The following ROR2 variants were observed in gnomAD, a reference collection of about 807,000 sequenced individuals.
ROR2 encodes ROR family WNT receptor 2, also known as tyrosine-protein kinase transmembrane receptor ROR2.
A neutral mutation model predicts 74.9 loss-of-function variants in ROR2; 33 were observed. The ratio of observed to expected loss-of-function variants is 0.44; its 90% CI spans 0.33 to 0.59. The LOEUF is 0.59. ROR2 is among the 20% of genes least tolerant of loss of function. The probability of loss-of-function intolerance (pLI) is 0.02; values close to 1 mark genes in which losing one functional copy is unlikely to be tolerated. For synonymous variants in ROR2, 586 were observed against 558.7 expected (o/e 1.05, Z -0.69); for missense variants, 1,216 against 1,313.8 (o/e 0.93, Z 1.15).
At chr9:91,914,011 T>C (rs913286057) in intron 1 of ROR2, among the ~76,000 whole-genome samples, 1 of 152,084 alleles carries the variant, frequency 6.6e-6, no homozygotes. Context: ...CAAAATAAGA[T>C]GGTAAAGTCT....
intron 1 of ROR2, among the ~76,000 whole-genome samples, chr9:91,909,130 C>G (rs1044742878): frequency 1.3e-5 from 2 of 152,202 alleles, no homozygotes; most frequent in African/African-American, 2.4e-5. Flanking sequence ...AAATTGCTTG[C>G]TAATTGCTTC....
intron 1 of ROR2, among the ~76,000 whole-genome samples, chr9:91,941,209 A>G (rs12551564): frequency 0.15 from 22,029 of 150,980 alleles, 2,000 homozygotes; most frequent in Non-Finnish European, 0.2. Context: ...GTGTTAGCCA[A>G]GATGGTCTCG....
At chr9:91,923,029 T>C (rs1564041240) in intron 1 of ROR2, among the ~76,000 whole-genome samples, 1 of 152,020 alleles carries the variant, frequency 6.6e-6, no homozygotes, top group Admixed American at 6.6e-5. Flanking sequence ...TTCACATACA[T>C]AAAGCCTCTC....
chr9:91,904,054 G>T (rs537757022), intron 1 of ROR2, among the ~76,000 whole-genome samples: 10 of 149,558 alleles, frequency 6.7e-5, no homozygotes, highest in East Asian at 1.9e-4. Flanking sequence ...TTTTTTTTGG[G>T]GGGGGGGACA....
At chr9:91,806,811 G>T (rs540674342) in intron 1 of ROR2, among the ~76,000 whole-genome samples, 2 of 152,106 alleles carry the variant, frequency 1.3e-5, no homozygotes, top group South Asian at 4.2e-4. Context: ...GGATGGTCTC[G>T]ATCTCCTGAC....
intron 4 of ROR2, among the ~76,000 whole-genome samples, chr9:91,753,757 G>C (rs1020770070): frequency 6.6e-6 from 1 of 152,182 alleles, no homozygotes; most frequent in Non-Finnish European, 1.5e-5. Context: ...GAGATGGAAA[G>C]ATTTCTGTGA....
intron 7 of ROR2, among the ~76,000 whole-genome samples, chr9:91,728,278 G>C (rs1003067506): frequency 1.3e-5 from 2 of 152,068 alleles, no homozygotes; most frequent in African/African-American, 4.8e-5. Flanking sequence ...GTTAAGTTTC[G>C]TGTTCTCCTA....
intron 1 of ROR2, among the ~76,000 whole-genome samples, chr9:91,920,584 A>T (rs920794556): frequency 6.6e-6 from 1 of 152,228 alleles, no homozygotes; most frequent in Non-Finnish European, 1.5e-5. Flanking sequence ...AACAGAGATC[A>T]GGTGAGGAAG....
At chr9:91,856,222 G>A (rs1458317914) in intron 1 of ROR2, among the ~76,000 whole-genome samples, 2 of 152,146 alleles carry the variant, frequency 1.3e-5, no homozygotes, top group Non-Finnish European at 2.9e-5. Context: ...CAGGCATGGT[G>A]GTGTGTGCCT....
At chr9:91,901,688 C>G (rs1830680465) in intron 1 of ROR2, among the ~76,000 whole-genome samples, 1 of 151,808 alleles carries the variant, frequency 6.6e-6, no homozygotes, top group Non-Finnish European at 1.5e-5. Flanking sequence ...TGGTGGCATG[C>G]GCTTGTAATC....
At chr9:91,746,058 G>GT (rs1168264758) in intron 4 of ROR2, among the ~76,000 whole-genome samples, 1 of 151,900 alleles carries the variant, frequency 6.6e-6, no homozygotes, top group African/African-American at 2.4e-5. Flanking sequence ...AGGTGGCTTG[G>GT]TTTTTTTGTT....
intron 1 of ROR2, among the ~76,000 whole-genome samples, chr9:91,934,114 G>T (rs547646055): frequency 6.6e-6 from 1 of 152,050 alleles, no homozygotes; most frequent in Admixed American, 6.5e-5. Flanking sequence ...GATGCGGGGG[G>T]GCGAGTGAAA....
At chr9:91,926,248 T>C (rs1460031403) in intron 1 of ROR2, among the ~76,000 whole-genome samples, 1 of 150,456 alleles carries the variant, frequency 6.6e-6, no homozygotes, top group Non-Finnish European at 1.5e-5. Flanking sequence ...GCAGGGCATG[T>C]GGCGGGCGCC....
intron 1 of ROR2, among the ~76,000 whole-genome samples, chr9:91,862,882 A>C (rs562082563): frequency 6.6e-6 from 1 of 152,370 alleles, no homozygotes; most frequent in Admixed American, 6.5e-5. Flanking sequence ...ACTAAATAGT[A>C]AAAAAGGCAA....
chr9:91,807,964 G>A (rs1319620291), intron 1 of ROR2, among the ~76,000 whole-genome samples: 1 of 152,104 alleles, frequency 6.6e-6, no homozygotes, highest in East Asian at 1.9e-4. Flanking sequence ...TGCTCACCCA[G>A]GGCTAGCTCG....
chr9:91,744,564 G>T (rs1587678049), intron 4 of ROR2, among the ~76,000 whole-genome samples: 1 of 152,182 alleles, frequency 6.6e-6, no homozygotes, highest in East Asian at 1.9e-4. Context: ...ATTTCCTTGA[G>T]AATTAGACGC....
At chr9:91,769,544 A>C (rs1251830374) in intron 2 of ROR2, among the ~76,000 whole-genome samples, 1 of 151,724 alleles carries the variant, frequency 6.6e-6, no homozygotes, top group Non-Finnish European at 1.5e-5. Context: ...CCCGAGTCTG[A>C]CCCTGCGTGC....
intron 4 of ROR2, among the ~76,000 whole-genome samples, chr9:91,753,719 G>C (rs1825658322): frequency 6.6e-6 from 1 of 152,190 alleles, no homozygotes; most frequent in Admixed American, 6.5e-5. Flanking sequence ...AACAGGGAAA[G>C]AGAGCATCTG....
intron 1 of ROR2, among the ~76,000 whole-genome samples, chr9:91,910,146 A>C (rs929518622): frequency 4.6e-5 from 7 of 152,026 alleles, no homozygotes; most frequent in African/African-American, 1.7e-4. Flanking sequence ...AGGCGTGAGC[A>C]ACCATGCCCA....
Sources: allele counts gnomAD v4.1 joint callset (sites outside exome capture counted in the v4.1 genomes callset), GRCh38; gene constraint gnomAD v4.1.1; transcripts MANE v1.5; gene names NCBI Gene and HGNC (gene_info 2026-07-23, HGNC 2026-07-21).